AMD1: variants seen among roughly 807,000 people sequenced by gnomAD.
The protein encoded by AMD1 is S-adenosylmethionine decarboxylase proenzyme.
In AMD1, 11 loss-of-function variants were observed where a neutral mutation model predicts 40.2. The observed-to-expected ratio is 0.27, with a 90% CI of 0.17 to 0.45. AMD1 has a LOEUF of 0.45. AMD1 is among the 20% of genes least tolerant of loss of function. AMD1 has a pLI of 1.00. For missense variants in AMD1, 257 were observed against 410.2 expected, an observed-to-expected ratio of 0.63 and a Z score of 3.23; for synonymous variants, 121 against 130.8, an observed-to-expected ratio of 0.93 and a Z score of 0.51.
intron 1 of AMD1, among the ~76,000 whole-genome samples, chr6:110,879,714 T>A (rs1785302993): frequency 6.6e-6 from 1 of 152,142 alleles, no homozygotes; most frequent in African/African-American, 2.4e-5. Flanking sequence ...CCTAAAAATA[T>A]GAGGTAAGAG....
At chr6:110,878,080 G>C (rs1785206758) in intron 1 of AMD1, among the ~76,000 whole-genome samples, 2 of 152,144 alleles carry the variant, frequency 1.3e-5, no homozygotes, top group South Asian at 4.1e-4. Flanking sequence ...TAAATAACTT[G>C]AATCAGTCAA....
chr6:110,819,201 T>A, the AMD1 span, among the ~76,000 whole-genome samples: 2 of 151,944 alleles, frequency 1.3e-5, no homozygotes, highest in Non-Finnish European at 2.9e-5. Flanking sequence ...CTACTACAAA[T>A]ACAAAATGAG....
chr6:110,847,450 G>A, the AMD1 span, among the ~76,000 whole-genome samples: 2 of 151,536 alleles, frequency 1.3e-5, no homozygotes, highest in African/African-American at 4.8e-5. Context: ...GCGTGAACCC[G>A]GGAGACGGAG....
chr6:110,837,713 GAAAAAAAAAAAAAA>G, the AMD1 span, among the ~76,000 whole-genome samples: 8 of 19,914 alleles, frequency 4.0e-4, no homozygotes, highest in Non-Finnish European at 5.1e-4. Flanking sequence ...CTCCATCTCA[GAAAAAAAAAAAAAA>G]AAAAAAAAAA....
chr6:110,865,393 G>GT, the AMD1 span, among the ~76,000 whole-genome samples: 4 of 152,042 alleles, frequency 2.6e-5, no homozygotes, highest in South Asian at 8.3e-4. Context: ...ATTGCAGATA[G>GT]TTTTTTTTGT....
At chr6:110,871,064 A>G (rs905485832), upstream of AMD1, among the ~76,000 whole-genome samples, 1 of 152,208 alleles carries the variant, frequency 6.6e-6, no homozygotes, top group Non-Finnish European at 1.5e-5. Context: ...ACCTAAAGGG[A>G]GACAGGTCAG....
At chr6:110,836,218 T>A in the AMD1 span, among the ~76,000 whole-genome samples, 1 of 152,024 alleles carries the variant, frequency 6.6e-6, no homozygotes, top group East Asian at 1.9e-4. Flanking sequence ...ATTAGACAAG[T>A]GTGCAAAGAT....
chr6:110,872,850 A>G (rs889900466), upstream of AMD1, among the ~76,000 whole-genome samples: 1 of 152,230 alleles, frequency 6.6e-6, no homozygotes, highest in African/African-American at 2.4e-5. Flanking sequence ...GAAGCAACTA[A>G]TTATAAGCAA....
At chr6:110,837,987 G>T in the AMD1 span, among the ~76,000 whole-genome samples, 1 of 148,760 alleles carries the variant, frequency 6.7e-6, no homozygotes, top group African/African-American at 2.5e-5. Flanking sequence ...ACTTGAACCT[G>T]GGAGGCAGAG....
chr6:110,815,875 G>C, the AMD1 span: 1 of 152,312 alleles, frequency 6.6e-6, no homozygotes, highest in Non-Finnish European at 1.5e-5. Context: ...ACCGCAGCTT[G>C]TTTCTTTTCT....
At chr6:110,853,055 G>A in the AMD1 span, among the ~76,000 whole-genome samples, 4 of 144,408 alleles carry the variant, frequency 2.8e-5, no homozygotes, top group Admixed American at 2.8e-4. Flanking sequence ...GGAGTGGTCT[G>A]AAATTGACTC....
At chr6:110,845,038 CT>C in the AMD1 span, among the ~76,000 whole-genome samples, 3,590 of 122,228 alleles carry the variant, frequency 0.029, 50 homozygotes, top group African/African-American at 0.039. Context: ...TGCCACAGAC[CT>C]TTTTTTTTTT....
At chr6:110,817,579 A>G in the AMD1 span, among the ~76,000 whole-genome samples, 1 of 152,188 alleles carries the variant, frequency 6.6e-6, no homozygotes, top group Non-Finnish European at 1.5e-5. Context: ...ACTGCACTCC[A>G]GCCTGGGCAA....
At chr6:110,861,314 T>C in the AMD1 span, among the ~76,000 whole-genome samples, 8 of 147,470 alleles carry the variant, frequency 5.4e-5, no homozygotes, top group Admixed American at 3.4e-4. Context: ...GCCGAGATCA[T>C]GCCACTGCAC....
At chr6:110,857,791 G>GTA in the AMD1 span, among the ~76,000 whole-genome samples, 36 of 144,268 alleles carry the variant, frequency 2.5e-4, no homozygotes, top group African/African-American at 7.4e-4. Context: ...TATATAGATG[G>GTA]TATATATATA....
the AMD1 span, among the ~76,000 whole-genome samples, chr6:110,842,804 C>A: frequency 6.6e-6 from 1 of 152,086 alleles, no homozygotes; most frequent in Non-Finnish European, 1.5e-5. Context: ...AGACCTCAAA[C>A]AATTCCCACA....
At chr6:110,815,563 C>G in the AMD1 span, 1 of 155,522 alleles carries the variant, frequency 6.4e-6, no homozygotes, top group African/African-American at 2.4e-5. Context: ...ATACAGCTCC[C>G]AGGTTACCTC....
chr6:110,866,825 T>A, the AMD1 span, among the ~76,000 whole-genome samples: 1 of 152,002 alleles, frequency 6.6e-6, no homozygotes, highest in Non-Finnish European at 1.5e-5. Context: ...TTCTTTTTTT[T>A]TTTTTGAGAC....
chr6:110,851,470 G>T, the AMD1 span, among the ~76,000 whole-genome samples: 2 of 150,216 alleles, frequency 1.3e-5, no homozygotes, highest in Non-Finnish European at 3.0e-5. Flanking sequence ...TGTTGTTGTT[G>T]TTGTCGTTTT....
Sources: allele counts gnomAD v4.1 joint callset (sites outside exome capture counted in the v4.1 genomes callset), GRCh38; gene constraint gnomAD v4.1.1; transcripts MANE v1.5; gene names NCBI Gene and HGNC (gene_info 2026-07-23, HGNC 2026-07-21).